The following DOP1A variants were observed in gnomAD, a reference collection of about 807,000 sequenced individuals.
DOP1A encodes the protein protein DOP1A.
DOP1A carries 90 observed loss-of-function variants against 267.6 expected under a neutral mutation model. The observed-to-expected ratio is 0.34, with a 90% confidence interval of 0.28 to 0.40. The LOEUF (loss-of-function observed/expected upper bound fraction) is 0.40, where lower values mean the gene tolerates loss of function less well. Ranked by LOEUF, DOP1A falls within the 10% of genes least tolerant of loss-of-function variation. DOP1A has a pLI of 1.00. For synonymous variants in DOP1A, 932 were observed against 999.1 expected (o/e 0.93, Z 1.27); for missense variants, 2,437 against 2,900.4 (o/e 0.84, Z 3.67).
chr6:83,101,317 C>G (rs1772551542), intron 4 of DOP1A, among the ~76,000 whole-genome samples: 1 of 152,176 alleles, frequency 6.6e-6, no homozygotes, highest in East Asian at 1.9e-4. Context: ...CGCCTGGCCT[C>G]AGATATCAAT....
At chr6:83,125,315 A>C (rs1254893591) in intron 14 of DOP1A, 120 bp downstream of exon 14, 18 of 1,179,492 alleles carry the variant, frequency 1.5e-5, no homozygotes, top group Non-Finnish European at 1.8e-5. Context: ...GAAGTATTTA[A>C]ATTGAGAATT....
intron 1 of DOP1A, among the ~76,000 whole-genome samples, chr6:83,088,254 T>G (rs1769669019): frequency 6.6e-6 from 1 of 152,134 alleles, no homozygotes; most frequent in Admixed American, 6.5e-5. Flanking sequence ...GCTGATGATC[T>G]GTTGAGCACA....
intron 1 of DOP1A, chr6:83,072,855 C>A: frequency 1.1e-5 from 2 of 181,478 alleles, no homozygotes; most frequent in Non-Finnish European, 1.2e-5. Flanking sequence ...ACTGATTATG[C>A]TTTTTGCTTC....
At chr6:83,134,354 A>G in intron 19 of DOP1A, 67 bp downstream of exon 19, 9 of 1,374,646 alleles carry the variant, frequency 6.5e-6, no homozygotes, top group Non-Finnish European at 9.0e-6. Flanking sequence ...CCTTGAGTCC[A>G]CTGTCTAGCT....
At chr6:83,149,625 T>A (rs539989543) in intron 27 of DOP1A, among the ~76,000 whole-genome samples, 5 of 152,170 alleles carry the variant, frequency 3.3e-5, no homozygotes, top group South Asian at 2.1e-4. Context: ...GTGGGAGCGG[T>A]TGCAGGTTTT....
intron 18 of DOP1A, 34 bp downstream of exon 18, chr6:83,132,362 C>G (rs749099094): frequency 6.4e-7 from 1 of 1,562,456 alleles, no homozygotes; most frequent in East Asian, 2.3e-5. Context: ...ACCGCCCCCT[C>G]CGCCACACAC....
chr6:83,170,532 T>A, downstream of DOP1A: 1 of 1,404,080 alleles, frequency 7.1e-7, no homozygotes, highest in Non-Finnish European at 1.0e-6. Flanking sequence ...TTCAGAAGCT[T>A]AACCTGTTAA....
intron 6 of DOP1A, 126 bp downstream of exon 6, chr6:83,110,440 G>A: frequency 1.0e-6 from 1 of 986,922 alleles, no homozygotes; most frequent in Non-Finnish European, 1.4e-6. Flanking sequence ...CATTTATCAA[G>A]GAAAATTAAA....
At chr6:83,102,938 T>A (rs1238142179) in intron 4 of DOP1A, among the ~76,000 whole-genome samples, 1 of 152,230 alleles carries the variant, frequency 6.6e-6, no homozygotes, top group Non-Finnish European at 1.5e-5. Context: ...TTACTCATTT[T>A]CTTTGCTATT....
At position 83,135,601 on chromosome 6, in the gene DOP1A, T is replaced by A. The variant is rs1778763010; in HGVS notation, c.2871-18T>A. 1.9e-6 allele frequency: 3 copies of A among 1,597,560 alleles called. No homozygotes were observed. Among genetic ancestry groups the A allele is most frequent in the Non-Finnish European group, 2.6e-6 (3 of 1,170,174 alleles). Reference sequence around the variant, plus strand: ...TAGATGTTTGGTTCTTTATTTTAATTATTTGTGTTTATTTTAGGTCACTGT... The same window carrying A: ...TAGATGTTTGGTTCTTTATTTTAATAATTTGTGTTTATTTTAGGTCACTGT... On this transcript the variant is annotated intron_variant, in intron 19 of 38. Transcript: ENST00000349129.
Position 83,153,154 on chromosome 6 carries a change from G to GT in DOP1A, c.6130-348dup, listed in dbSNP as rs5877836. On this transcript the variant is annotated intron_variant, in intron 30 of 38. Coordinates refer to ENST00000349129, the MANE Select transcript of DOP1A (RefSeq NM_015018.4). The stretch of plus-strand genomic sequence containing the variant: ...TTTGAACAGCCCAGTTCAATTGTTT[G>GT]TTTTTTTTTCCTAAACTACATTTTA... Among the ~76,000 whole-genome samples the GT allele has an allele frequency of 1.9e-4, 29 of 151,120 alleles. No homozygotes were observed. The South Asian group carries it at 5.2e-3, about 27-fold the overall frequency.
At chr6:83,169,718 G>C, downstream of DOP1A, 1 of 459,080 alleles carries the variant, frequency 2.2e-6, no homozygotes, top group Non-Finnish European at 4.4e-6. Context: ...CAGGAAAGCT[G>C]CCAAATGTCT....
chr6:83,128,518 T>C (rs991043157), intron 15 of DOP1A, among the ~76,000 whole-genome samples: 2 of 152,226 alleles, frequency 1.3e-5, no homozygotes, highest in Admixed American at 6.5e-5. Flanking sequence ...GATGACCTAT[T>C]AGATTTTATT....
At chr6:83,124,599 G>A (rs965012009) in intron 12 of DOP1A, 106 bp from the exon 13 acceptor site, 4 of 834,680 alleles carry the variant, frequency 4.8e-6, no homozygotes, top group African/African-American at 3.4e-5. Flanking sequence ...ACATTACTGT[G>A]TGTGACCCAA....
chr6:83,122,739 T>A (rs781158406), intron 11 of DOP1A, 124 bp from the exon 12 acceptor site: 14 of 613,692 alleles, frequency 2.3e-5, no homozygotes, highest in Non-Finnish European at 3.2e-5. Context: ...TTTGTTGCAA[T>A]CTTCTTACTA....
At chr6:83,151,061 C>T (rs1035651305) in intron 27 of DOP1A, among the ~76,000 whole-genome samples, 3 of 152,128 alleles carry the variant, frequency 2.0e-5, no homozygotes, top group African/African-American at 4.8e-5. Flanking sequence ...TATTTTGTGT[C>T]GGCTTCTTTT....
rs190132323 is a variant in DOP1A, at chr6:83,069,989, G to A, written c.-147+2210G>A. On this transcript the variant is annotated intron_variant, in intron 1 of 38. Transcript: ENST00000349129. ...AGCTAAAGGCTAAAACACAAATTTT[G>A]AGACAGTTACTTCTAAATTGCTTTA... is the stretch of plus-strand genomic sequence containing the variant. Among the ~76,000 whole-genome samples the A allele has an allele frequency of 3.9e-4, 60 of 152,308 alleles. No homozygotes were observed. The East Asian group carries it at 9.8e-3, about 25-fold the overall frequency.
chr6:83,083,539 CT>C (rs1328704186), intron 1 of DOP1A, among the ~76,000 whole-genome samples: 1 of 151,912 alleles, frequency 6.6e-6, no homozygotes, highest in Non-Finnish European at 1.5e-5. Context: ...CACTAATTGC[CT>C]TATATGAACA....
At chr6:83,130,007 T>C in intron 16 of DOP1A, 116 bp from the exon 17 acceptor site, 1 of 1,275,150 alleles carries the variant, frequency 7.8e-7, no homozygotes. Context: ...ACCATGGTTT[T>C]GTTAACAGAT....
Sources: allele counts gnomAD v4.1 joint callset (sites outside exome capture counted in the v4.1 genomes callset), GRCh38; gene constraint gnomAD v4.1.1; transcripts MANE v1.5; gene names NCBI Gene and HGNC (gene_info 2026-07-23, HGNC 2026-07-21).